The following MAPK10 variants were observed in gnomAD, a reference collection of about 807,000 sequenced individuals.
The protein encoded by MAPK10 is JNK3 alpha protein kinase.
A neutral mutation model predicts 59.3 loss-of-function variants in MAPK10; 25 were observed. That is an observed-to-expected ratio of 0.42 (90% confidence interval 0.31 to 0.59). The LOEUF (loss-of-function observed/expected upper bound fraction) is 0.59. Among genes scored for constraint, MAPK10 ranks in the 20% least tolerant of loss-of-function variants. The probability of loss-of-function intolerance (pLI) is 0.15; values close to 1 mark genes in which losing one functional copy is unlikely to be tolerated. For missense variants in MAPK10, 351 were observed against 568.9 expected (o/e 0.62, Z 3.90); for synonymous variants, 190 against 200.5 (o/e 0.95, Z 0.44).
chr4:86,399,835 A>G (rs1450335014), intron 1 of MAPK10: 3 of 152,230 alleles, frequency 2.0e-5, no homozygotes, highest in Non-Finnish European at 4.4e-5. Flanking sequence ...AGAGGAGGAA[A>G]CAGTTAGTAA....
intron 2 of MAPK10, among the ~76,000 whole-genome samples, chr4:86,240,135 A>C (rs1264654306): frequency 6.6e-6 from 1 of 152,134 alleles, no homozygotes; most frequent in African/African-American, 2.4e-5. Flanking sequence ...CAGGTTGTTA[A>C]ATTTCCATGA....
intron 1 of MAPK10, among the ~76,000 whole-genome samples, chr4:86,567,089 A>G (rs1490355348): frequency 1.3e-5 from 2 of 152,128 alleles, no homozygotes; most frequent in Non-Finnish European, 2.9e-5. Flanking sequence ...AAACCATGGT[A>G]ATCATATTCA....
At chr4:86,102,183 A>G (rs1446603484) in intron 6 of MAPK10, 151 bp from the exon 7 acceptor site, 1 of 676,752 alleles carries the variant, frequency 1.5e-6, no homozygotes, top group Non-Finnish European at 2.6e-6. Context: ...CAGGTATTGC[A>G]TGTGTGTTAG....
At chr4:86,513,081 T>C (rs952176174) in intron 1 of MAPK10, among the ~76,000 whole-genome samples, 2 of 152,184 alleles carry the variant, frequency 1.3e-5, no homozygotes, top group Non-Finnish European at 2.9e-5. Context: ...CTTTTCTTTT[T>C]TTTTAGAGAT....
chr4:86,233,974 G>A (rs1363584333), intron 2 of MAPK10, among the ~76,000 whole-genome samples: 1 of 152,150 alleles, frequency 6.6e-6, no homozygotes, highest in Non-Finnish European at 1.5e-5. Flanking sequence ...AAGGATTATT[G>A]CCAAAGGCCT....
At position 86,118,210 on chromosome 4, in the gene MAPK10, T is replaced by G. The variant is rs147901217; in HGVS notation, c.237-10858A>C. Reference sequence around the variant, plus strand: ...CAAATACATCTGCAAATTGGCATCATTGATGCGGTACAGTCACAGATTCAT... The same window carrying G: ...CAAATACATCTGCAAATTGGCATCAGTGATGCGGTACAGTCACAGATTCAT... On this transcript the variant is annotated intron_variant, in intron 4 of 13. Coordinates refer to ENST00000641462, the MANE Select transcript of MAPK10 (RefSeq NM_138982.4). 1.1e-4 allele frequency among the ~76,000 whole-genome samples: 17 copies of G among 152,380 alleles called. No homozygotes were observed. In the East Asian group the frequency reaches 1.5e-3, roughly 14 times the overall value.
intron 11 of MAPK10, 88 bp from the exon 12 acceptor site, chr4:86,031,519 T>C: frequency 1.1e-6 from 1 of 900,190 alleles, no homozygotes; most frequent in Non-Finnish European, 1.8e-6. Flanking sequence ...TTGCCCTCAT[T>C]TATTTCGGTG....
At chr4:86,036,739 G>A (rs2040390402) in intron 11 of MAPK10, among the ~76,000 whole-genome samples, 1 of 152,056 alleles carries the variant, frequency 6.6e-6, no homozygotes, top group Non-Finnish European at 1.5e-5. Flanking sequence ...AAGCCAATAG[G>A]GTGACCATAT....
intron 1 of MAPK10, among the ~76,000 whole-genome samples, chr4:86,494,369 C>T (rs1315532119): frequency 1.3e-5 from 2 of 152,148 alleles, no homozygotes; most frequent in Admixed American, 6.5e-5. Flanking sequence ...CACTCAGCCT[C>T]CTTGGAACAG....
chr4:86,498,747 T>A (rs774908871), intron 1 of MAPK10, among the ~76,000 whole-genome samples: 1 of 152,200 alleles, frequency 6.6e-6, no homozygotes, highest in Non-Finnish European at 1.5e-5. Flanking sequence ...TAAGCGTATT[T>A]AAGCTAGCTA....
At chr4:86,390,686 T>A (rs954157230) in intron 1 of MAPK10, among the ~76,000 whole-genome samples, 11 of 152,164 alleles carry the variant, frequency 7.2e-5, no homozygotes, top group African/African-American at 2.7e-4. Flanking sequence ...CAGATATGGG[T>A]ACAAGAGAGA....
At chr4:86,560,460 C>A (rs1012806717) in intron 1 of MAPK10, among the ~76,000 whole-genome samples, 3 of 152,162 alleles carry the variant, frequency 2.0e-5, no homozygotes, top group African/African-American at 7.2e-5. Flanking sequence ...TAATGGAATT[C>A]TTGTTTAAAG....
At chr4:86,092,741 G>T (rs576826144) in intron 9 of MAPK10, among the ~76,000 whole-genome samples, 2 of 152,116 alleles carry the variant, frequency 1.3e-5, no homozygotes, top group Non-Finnish European at 2.9e-5. Context: ...TTCAATCACT[G>T]TTGGAAACTG....
At chr4:86,210,964 C>T (rs2149353054) in intron 2 of MAPK10, among the ~76,000 whole-genome samples, 1 of 151,530 alleles carries the variant, frequency 6.6e-6, no homozygotes, top group East Asian at 1.9e-4. Flanking sequence ...ATGAGACAAA[C>T]TCCAAGGAAG....
At chr4:86,519,476 A>C (rs112127485) in intron 1 of MAPK10, among the ~76,000 whole-genome samples, 7,120 of 152,104 alleles carry the variant, frequency 0.047, 218 homozygotes, top group African/African-American at 0.059. Flanking sequence ...CACGGAATAT[A>C]TTTTTCCACC....
chr4:86,242,628 T>C lies in MAPK10; in HGVS notation c.-6-48221A>G, dbSNP rs1168448476. ...AGACCTGAAGAGCCACTGTAGGCCCTGACTGCCACAGCCAGTGTGTTGGGC... is the reference window on the plus strand; with the variant it reads ...AGACCTGAAGAGCCACTGTAGGCCCCGACTGCCACAGCCAGTGTGTTGGGC... On this transcript the variant is annotated intron_variant, in intron 2 of 13. Coordinates refer to ENST00000641462, the MANE Select transcript of MAPK10 (RefSeq NM_138982.4). Among the ~76,000 whole-genome samples the C allele has an allele frequency of 3.9e-5, 6 of 152,334 alleles. No homozygotes were observed. The South Asian group carries it at 6.2e-4, about 16-fold the overall frequency.
chr4:86,517,043 T>C (rs1369023039), intron 1 of MAPK10, among the ~76,000 whole-genome samples: 1 of 152,206 alleles, frequency 6.6e-6, no homozygotes, highest in Admixed American at 6.5e-5. Context: ...AAGTTGTCTG[T>C]GAGTATGTCA....
intron 9 of MAPK10, among the ~76,000 whole-genome samples, chr4:86,074,304 G>C (rs1239908616): frequency 2.0e-5 from 3 of 147,228 alleles, no homozygotes; most frequent in African/African-American, 7.6e-5. Context: ...CGTGAGATGG[G>C]TTTCCTGAAT....
At chr4:86,508,868 T>G (rs747711127) in intron 1 of MAPK10, among the ~76,000 whole-genome samples, 1 of 152,172 alleles carries the variant, frequency 6.6e-6, no homozygotes, top group Non-Finnish European at 1.5e-5. Context: ...CATTCAGGCA[T>G]GTCAAGCTTT....
Sources: gnomAD v4.1 joint callset for allele counts (sites outside exome capture counted in the v4.1 genomes callset) on GRCh38, gnomAD v4.1.1 for gene constraint, MANE v1.5 for transcripts, NCBI Gene and HGNC (gene_info 2026-07-23, HGNC 2026-07-21) for gene names.